RGS6: variants seen among roughly 807,000 people sequenced by gnomAD.
RGS6 encodes the protein regulator of G-protein signaling 6.
Under a neutral mutation model 78.5 loss-of-function variants are expected in RGS6, and 30 were observed. That is an observed-to-expected ratio of 0.38 (90% confidence interval 0.29 to 0.52). The LOEUF is 0.52. RGS6 is among the 20% of genes least tolerant of loss of function. The pLI is 0.85. For missense variants in RGS6, 495 were observed against 609.7 expected, an observed-to-expected ratio of 0.81 and a Z score of 1.98; for synonymous variants, 206 against 206.0, an observed-to-expected ratio of 1.00 and a Z score of 0.00.
At chr14:72,149,048 G>A (rs1465121458) in intron 2 of RGS6, among the ~76,000 whole-genome samples, 1 of 152,196 alleles carries the variant, frequency 6.6e-6, no homozygotes, top group Non-Finnish European at 1.5e-5. Context: ...TGAGGCTGGG[G>A]TTGGAATCAT....
rs537999804 is a variant in RGS6, at chr14:72,424,166, C to T, written c.185-30362C>T. 3.5e-3 allele frequency among the ~76,000 whole-genome samples: 539 copies of T among 152,262 alleles called. 1 individual carries two copies. Among genetic ancestry groups the T allele is most frequent in the Middle Eastern group, 0.014 (4 of 294 alleles). Reference sequence around the variant, plus strand: ...GCCTGGAGCTCTGCCTAGAGAAGCCCACATGCCCTCTCCTGGAGTCACAAG... The same window carrying T: ...GCCTGGAGCTCTGCCTAGAGAAGCCTACATGCCCTCTCCTGGAGTCACAAG... On this transcript the variant is annotated intron_variant, in intron 3 of 17. Transcript: ENST00000553525.
chr14:72,301,909 T>C (rs763818722), intron 2 of RGS6, among the ~76,000 whole-genome samples: 1 of 152,108 alleles, frequency 6.6e-6, no homozygotes, highest in Non-Finnish European at 1.5e-5. Flanking sequence ...TCAAATAAGG[T>C]CACATTTTGA....
At chr14:72,122,734 G>T (rs12590592) in intron 2 of RGS6, among the ~76,000 whole-genome samples, 77,505 of 145,328 alleles carry the variant, frequency 0.53, 20,549 homozygotes, top group Admixed American at 0.6. Context: ...TGGGTTCTAA[G>T]TTATCGTTTT....
At chr14:72,166,290 T>C (rs923609569) in intron 2 of RGS6, among the ~76,000 whole-genome samples, 2 of 152,214 alleles carry the variant, frequency 1.3e-5, no homozygotes, top group Non-Finnish European at 2.9e-5. Context: ...TATAGGTAAA[T>C]AGAAATTGAA....
intron 1 of RGS6, among the ~76,000 whole-genome samples, chr14:71,945,532 T>C (rs2091375674): frequency 6.6e-6 from 1 of 152,280 alleles, no homozygotes; most frequent in East Asian, 1.9e-4. Flanking sequence ...ATGTTTTGTT[T>C]GTACATTACA....
intron 2 of RGS6, among the ~76,000 whole-genome samples, chr14:72,081,265 T>C (rs972490380): frequency 2.0e-5 from 3 of 152,070 alleles, no homozygotes; most frequent in Admixed American, 1.3e-4. Flanking sequence ...TATTTATTTA[T>C]TTTTTTGCTA....
At chr14:72,556,478 C>G (rs2097576760) in intron 17 of RGS6, among the ~76,000 whole-genome samples, 1 of 152,166 alleles carries the variant, frequency 6.6e-6, no homozygotes, top group Non-Finnish European at 1.5e-5. Flanking sequence ...GGTTCAGACC[C>G]AGAGCCAAAC....
intron 2 of RGS6, among the ~76,000 whole-genome samples, chr14:72,128,978 A>G (rs1377506637): frequency 6.6e-6 from 1 of 152,184 alleles, no homozygotes; most frequent in East Asian, 1.9e-4. Flanking sequence ...TGACAGTAAA[A>G]TGTCACCTCT....
At chr14:72,162,404 C>T (rs138008057) in intron 2 of RGS6, among the ~76,000 whole-genome samples, 9 of 152,086 alleles carry the variant, frequency 5.9e-5, no homozygotes, top group Middle Eastern at 3.4e-3. Flanking sequence ...AAAATGAAAC[C>T]AGAGGAATTT....
At chr14:72,212,605 T>TGTGACATCTCTCCCCTTTGTGCTTAATCA (rs2044447008) in intron 2 of RGS6, among the ~76,000 whole-genome samples, 1 of 152,258 alleles carries the variant, frequency 6.6e-6, no homozygotes. Flanking sequence ...TCTTGCTTTC[T>TGTGACATCTCTCCCCTTTGTGCTTAATCA]GTGACATCTC....
intron 15 of RGS6, among the ~76,000 whole-genome samples, chr14:72,525,267 AT>A (rs1762437936): frequency 6.6e-6 from 1 of 152,224 alleles, no homozygotes; most frequent in South Asian, 2.1e-4. Flanking sequence ...GTTAAATTAA[AT>A]TCCTACAATG....
At chr14:72,233,155 T>G (rs2050098652) in intron 2 of RGS6, among the ~76,000 whole-genome samples, 1 of 152,192 alleles carries the variant, frequency 6.6e-6, no homozygotes, top group African/African-American at 2.4e-5. Context: ...CTTCATCCTG[T>G]CCCACTTCAG....
intron 2 of RGS6, among the ~76,000 whole-genome samples, chr14:72,277,269 C>T (rs1037329861): frequency 6.6e-6 from 1 of 152,132 alleles, no homozygotes; most frequent in African/African-American, 2.4e-5. Flanking sequence ...ACTATGAGCC[C>T]CTTGCAGACT....
At chr14:71,999,970 G>T (rs2083128506) in intron 2 of RGS6, among the ~76,000 whole-genome samples, 1 of 151,896 alleles carries the variant, frequency 6.6e-6, no homozygotes, top group South Asian at 2.1e-4. Flanking sequence ...GAGAAGTTTA[G>T]GAAAACAGCT....
intron 2 of RGS6, among the ~76,000 whole-genome samples, chr14:72,331,908 A>C (rs2075130561): frequency 6.6e-6 from 1 of 152,248 alleles, no homozygotes; most frequent in Non-Finnish European, 1.5e-5. Flanking sequence ...GCTGTATACA[A>C]ATGTGAAATT....
intron 17 of RGS6, among the ~76,000 whole-genome samples, chr14:72,549,441 A>C (rs190459115): frequency 1.3e-3 from 200 of 152,318 alleles, no homozygotes; most frequent in African/African-American, 4.6e-3. Context: ...CCAAGGTTGA[A>C]GAAAACTCAT....
At chr14:71,926,585 G>GAAAA in the RGS6 span, among the ~76,000 whole-genome samples, 2 of 51,256 alleles carry the variant, frequency 3.9e-5, no homozygotes, top group Non-Finnish European at 7.8e-5. Flanking sequence ...CTCTGTCTCA[G>GAAAA]AAAAAAAAAA....
chr14:72,129,014 G>T (rs1237135028), intron 2 of RGS6, among the ~76,000 whole-genome samples: 1 of 152,196 alleles, frequency 6.6e-6, no homozygotes, highest in Non-Finnish European at 1.5e-5. Flanking sequence ...TAAAAAAGGT[G>T]TAAAGCCTCT....
At chr14:72,051,281 A>G (rs2093222529) in intron 2 of RGS6, among the ~76,000 whole-genome samples, 1 of 152,196 alleles carries the variant, frequency 6.6e-6, no homozygotes, top group Non-Finnish European at 1.5e-5. Context: ...AAAAGAAAAC[A>G]GGGCTGGCAG....
Sources: allele counts gnomAD v4.1 joint callset (sites outside exome capture counted in the v4.1 genomes callset), GRCh38; gene constraint gnomAD v4.1.1; transcripts MANE v1.5; gene names NCBI Gene and HGNC (gene_info 2026-07-23, HGNC 2026-07-21).